The following PMFBP1 variants were observed in gnomAD, a reference collection of about 807,000 sequenced individuals.
PMFBP1 encodes polyamine modulated factor 1 binding protein 1.
A neutral mutation model predicts 137.8 loss-of-function variants in PMFBP1; 131 were observed. That is an observed-to-expected ratio of 0.95 (90% CI 0.82 to 1.10). The LOEUF is 1.10. Among genes scored for constraint, PMFBP1 ranks in the 50% least tolerant of loss-of-function variants. The pLI is 0.00. For synonymous variants in PMFBP1, 490 were observed against 450.4 expected (o/e 1.09, Z -1.11); for missense variants, 1,199 against 1,175.4 (o/e 1.02, Z -0.29).
the PMFBP1 span, among the ~76,000 whole-genome samples, chr16:72,230,015 G>A: frequency 6.6e-6 from 1 of 152,150 alleles, no homozygotes; most frequent in Non-Finnish European, 1.5e-5. Flanking sequence ...TTCCATACAC[G>A]TAATTTCTCC....
At chr16:72,232,036 C>T in the PMFBP1 span, among the ~76,000 whole-genome samples, 15 of 152,218 alleles carry the variant, frequency 9.9e-5, no homozygotes, top group African/African-American at 3.1e-4. Context: ...GAGAAAATAC[C>T]TATCAAACTA....
At chr16:72,233,380 G>C in the PMFBP1 span, among the ~76,000 whole-genome samples, 2 of 152,268 alleles carry the variant, frequency 1.3e-5, no homozygotes, top group Middle Eastern at 3.4e-3. Flanking sequence ...TAAATCTTCA[G>C]AAGAGATGGT....
At chr16:72,192,085 G>A in the PMFBP1 span, among the ~76,000 whole-genome samples, 1 of 152,232 alleles carries the variant, frequency 6.6e-6, no homozygotes, top group Admixed American at 6.5e-5. Flanking sequence ...TCTGACCCTT[G>A]CCTCTCCCCA....
chr16:72,207,338 G>A, the PMFBP1 span, among the ~76,000 whole-genome samples: 3 of 152,164 alleles, frequency 2.0e-5, no homozygotes, highest in East Asian at 1.9e-4. Context: ...CCTGGGGTGG[G>A]AGAAGCAGAC....
chr16:72,218,550 G>C, the PMFBP1 span, among the ~76,000 whole-genome samples: 1 of 151,930 alleles, frequency 6.6e-6, no homozygotes, highest in African/African-American at 2.4e-5. Context: ...CAAAGTGCTG[G>C]GATTACAGGT....
the PMFBP1 span, among the ~76,000 whole-genome samples, chr16:72,209,885 C>T: frequency 6.6e-6 from 1 of 152,174 alleles, no homozygotes; most frequent in African/African-American, 2.4e-5. Context: ...CTGTTCTTAC[C>T]CTGCTTCAGC....
intron 4 of PMFBP1, among the ~76,000 whole-genome samples, chr16:72,151,509 A>G (rs368721361): frequency 6.6e-6 from 1 of 152,180 alleles, no homozygotes; most frequent in East Asian, 1.9e-4. Context: ...TAGGTAGTTG[A>G]GTGTGCTAAA....
chr16:72,240,944 T>C, the PMFBP1 span, among the ~76,000 whole-genome samples: 1 of 149,986 alleles, frequency 6.7e-6, no homozygotes. Context: ...AGGGAGAGCG[T>C]GCAAGAGAGA....
the PMFBP1 span, among the ~76,000 whole-genome samples, chr16:72,242,675 A>G: frequency 6.6e-6 from 1 of 152,374 alleles, no homozygotes; most frequent in African/African-American, 2.4e-5. Flanking sequence ...TTTCATTAAA[A>G]GCAATGCTTT....
intron 2 of PMFBP1, 71 bp from the exon 3 acceptor site, chr16:72,164,987 G>C (rs2043123913): frequency 4.9e-6 from 7 of 1,439,730 alleles, no homozygotes; most frequent in Non-Finnish European, 6.5e-6. Context: ...TCACTTAACA[G>C]GTTGACAGAG....
chr16:72,127,218 T>C (rs1335532742), intron 14 of PMFBP1, among the ~76,000 whole-genome samples: 2 of 152,222 alleles, frequency 1.3e-5, no homozygotes, highest in African/African-American at 4.8e-5. Flanking sequence ...AGTTTATTAC[T>C]TTTTCAGATA....
intron 17 of PMFBP1, among the ~76,000 whole-genome samples, chr16:72,124,388 A>G (rs940879583): frequency 1.3e-5 from 2 of 152,142 alleles, no homozygotes; most frequent in Non-Finnish European, 2.9e-5. Context: ...CATGAACTTC[A>G]CTGCTCAGGG....
the PMFBP1 span, among the ~76,000 whole-genome samples, chr16:72,210,276 G>A: frequency 6.6e-6 from 1 of 152,240 alleles, no homozygotes; most frequent in Non-Finnish European, 1.5e-5. Flanking sequence ...CCCAGCAGGA[G>A]AGTAGGAGGA....
chr16:72,195,737 A>C, the PMFBP1 span, among the ~76,000 whole-genome samples: 15 of 152,338 alleles, frequency 9.8e-5, no homozygotes, highest in African/African-American at 3.6e-4. Context: ...TCTCAGGGAA[A>C]AGCTTGTACT....
intron 5 of PMFBP1, among the ~76,000 whole-genome samples, chr16:72,144,565 A>C (rs1164991230): frequency 2.6e-5 from 4 of 152,216 alleles, no homozygotes; most frequent in Non-Finnish European, 4.4e-5. Context: ...ATATTTATTT[A>C]AATAATAAAA....
intron 9 of PMFBP1, among the ~76,000 whole-genome samples, chr16:72,133,658 G>A (rs552901270): frequency 8.5e-5 from 13 of 152,224 alleles, no homozygotes; most frequent in Admixed American, 3.9e-4. Flanking sequence ...GCAGGAGAGG[G>A]CTCCCCTGCC....
the PMFBP1 span, among the ~76,000 whole-genome samples, chr16:72,235,274 A>G: frequency 6.6e-6 from 1 of 152,114 alleles, no homozygotes; most frequent in Non-Finnish European, 1.5e-5. Context: ...TGATCAGACT[A>G]TTCTTTCCTC....
the PMFBP1 span, among the ~76,000 whole-genome samples, chr16:72,182,213 A>G: frequency 6.6e-6 from 1 of 152,146 alleles, no homozygotes; most frequent in Non-Finnish European, 1.5e-5. Context: ...AGGCACTTCA[A>G]AAGTCAAGAG....
At chr16:72,146,597 G>C (rs2042810619) in intron 5 of PMFBP1, among the ~76,000 whole-genome samples, 1 of 152,184 alleles carries the variant, frequency 6.6e-6, no homozygotes, top group South Asian at 2.1e-4. Flanking sequence ...TCTGTTTGCA[G>C]ATGACATGAT....
Sources: gnomAD v4.1 joint callset for allele counts (sites outside exome capture counted in the v4.1 genomes callset) on GRCh38, gnomAD v4.1.1 for gene constraint, MANE v1.5 for transcripts, NCBI Gene and HGNC (gene_info 2026-07-23, HGNC 2026-07-21) for gene names.